The following SMURF1 variants were observed in gnomAD, a reference collection of about 807,000 sequenced individuals.
SMURF1 encodes the protein E3 ubiquitin-protein ligase SMURF1.
In SMURF1, 44 loss-of-function variants were observed where a neutral mutation model predicts 98.0. The observed-to-expected ratio is 0.45, with a 90% CI of 0.35 to 0.58. The LOEUF (loss-of-function observed/expected upper bound fraction) is 0.58. SMURF1 is among the 20% of genes least tolerant of loss of function. The pLI is 0.00. For synonymous variants in SMURF1, 396 were observed against 374.9 expected (o/e 1.06, Z -0.65); for missense variants, 687 against 938.4 (o/e 0.73, Z 3.50).
intron 1 of SMURF1, among the ~76,000 whole-genome samples, chr7:99,116,743 T>C (rs1178390308): frequency 2.0e-5 from 3 of 152,182 alleles, no homozygotes; most frequent in African/African-American, 7.2e-5. Context: ...CTTAATAATA[T>C]GAAGACATAA....
chr7:99,137,912 T>C (rs1798029682), intron 1 of SMURF1, among the ~76,000 whole-genome samples: 1 of 152,184 alleles, frequency 6.6e-6, no homozygotes, highest in Non-Finnish European at 1.5e-5. Context: ...AAAAAGAAGA[T>C]ATGCCCAAGC....
At chr7:99,071,805 G>A (rs530726858) in intron 1 of SMURF1, among the ~76,000 whole-genome samples, 12 of 152,236 alleles carry the variant, frequency 7.9e-5, no homozygotes, top group African/African-American at 2.2e-4. Context: ...CAGACTCAGC[G>A]GCTCATGCCT....
At chr7:99,091,301 C>CA (rs1326212380) in intron 1 of SMURF1, among the ~76,000 whole-genome samples, 1 of 152,202 alleles carries the variant, frequency 6.6e-6, no homozygotes, top group East Asian at 1.9e-4. Context: ...TCATGCAATG[C>CA]ATACCCATGA....
chr7:99,060,987 T>G (rs1796022482), intron 2 of SMURF1, among the ~76,000 whole-genome samples: 1 of 152,162 alleles, frequency 6.6e-6, no homozygotes, highest in Non-Finnish European at 1.5e-5. Flanking sequence ...GTATTTAGAC[T>G]TTCTAAAAAT....
At chr7:99,059,408 AAAATAAAATAAAAT>A (rs1398774897) in intron 3 of SMURF1, among the ~76,000 whole-genome samples, 2,288 of 92,160 alleles carry the variant, frequency 0.025, 152 homozygotes, top group African/African-American at 0.058. Flanking sequence ...AAAAAAAAAT[AAAATAAAATAAAAT>A]AAAATAAAAT....
chr7:99,095,036 T>C (rs1796917181), intron 1 of SMURF1, among the ~76,000 whole-genome samples: 1 of 151,890 alleles, frequency 6.6e-6, no homozygotes, highest in Non-Finnish European at 1.5e-5. Context: ...AATTCAAGCA[T>C]TGCCAGGTTT....
chr7:99,117,129 G>A (rs1029156239), intron 1 of SMURF1, among the ~76,000 whole-genome samples: 4 of 151,560 alleles, frequency 2.6e-5, no homozygotes, highest in African/African-American at 7.3e-5. Context: ...TTCAACAAAT[G>A]GTGCAGGAAC....
At chr7:99,120,128 C>T (rs1046604402) in intron 1 of SMURF1, among the ~76,000 whole-genome samples, 3 of 152,152 alleles carry the variant, frequency 2.0e-5, no homozygotes, top group African/African-American at 7.2e-5. Context: ...CACCTCACCC[C>T]TTCCCTCACC....
At chr7:99,120,112 G>A (rs1418468174) in intron 1 of SMURF1, among the ~76,000 whole-genome samples, 2 of 152,102 alleles carry the variant, frequency 1.3e-5, no homozygotes, top group African/African-American at 4.8e-5. Flanking sequence ...TGTTTAAGGA[G>A]CCTGGCACCT....
Position 99,144,094 on chromosome 7 carries a change from C to CGCT in SMURF1, c.-317_-315dup, listed in dbSNP as rs1171251293. 1.3e-5 allele frequency: 2 copies of CGCT among 149,966 alleles called. No homozygotes were observed. Among genetic ancestry groups the CGCT allele is most frequent in the African/African-American group, 4.9e-5 (2 of 40,928 alleles). 9.3% of individuals were successfully genotyped at this position (149,966 alleles called of 1,614,324 possible). A position where few individuals can be genotyped will look rare whatever the true frequency, so the allele number is the denominator to read the frequency against. On this transcript the variant is annotated 5_prime_UTR_variant, in exon 1 of 18. Coordinates refer to ENST00000361368, the MANE Select transcript of SMURF1 (RefSeq NM_181349.3). The stretch of plus-strand genomic sequence containing the variant: ...CGCCCGCCGCCCTCGCCGCTTCCGC[C>CGCT]GCTGCCGCCGCCTCTCCGAGCCGCG...
chr7:99,031,192 G>C (rs766879603), intron 17 of SMURF1, among the ~76,000 whole-genome samples: 2 of 152,162 alleles, frequency 1.3e-5, no homozygotes, highest in Admixed American at 1.3e-4. Context: ...ACGATGTACT[G>C]CGTGTCTGTC....
chr7:99,074,710 TAAA>T (rs201973449), intron 1 of SMURF1, among the ~76,000 whole-genome samples: 3 of 148,114 alleles, frequency 2.0e-5, no homozygotes, highest in African/African-American at 7.4e-5. Context: ...CAACTCAATT[TAAA>T]AAAAAAACCC....
intron 1 of SMURF1, among the ~76,000 whole-genome samples, chr7:99,094,952 C>T (rs1796913467): frequency 6.6e-6 from 1 of 152,222 alleles, no homozygotes. Context: ...CATCAATGGC[C>T]ACTATCACAG....
At chr7:99,057,305 A>C (rs777642715) in intron 4 of SMURF1, 35 bp from the exon 5 acceptor site, 1 of 1,614,138 alleles carries the variant, frequency 6.2e-7, no homozygotes, top group Non-Finnish European at 8.5e-7. Flanking sequence ...AACCCAAGGA[A>C]CGTGAACTAG....
chr7:99,119,321 A>G (rs1189439177), intron 1 of SMURF1, among the ~76,000 whole-genome samples: 1 of 152,136 alleles, frequency 6.6e-6, no homozygotes, highest in Admixed American at 6.5e-5. Context: ...GCCATCTTGT[A>G]CAGTTTAAAT....
At position 99,038,381 on chromosome 7, in the gene SMURF1, G is replaced by C. The variant is rs778208150; in HGVS notation, c.1688+7C>G. On this transcript the variant is annotated splice_region_variant and intron_variant, in intron 14 of 17. Transcript: ENST00000361368. ...GGCACCTGGCCGTCCCCGACAGGTG[G>C]CATTACCGGACGTATTCTTTCTTAT... 38 of 1,613,390 alleles carry C rather than the reference G, an allele frequency of 2.4e-5. No individual in the cohort carries two copies. The Admixed American group carries it at 6.3e-4, about 27-fold the overall frequency.
Position 99,030,547 on chromosome 7 carries a change from T to C in SMURF1, c.*37A>G, listed in dbSNP as rs751672272. 1.8e-5 allele frequency: 29 copies of C among 1,575,472 alleles called. No homozygotes were observed. The highest frequency in any genetic ancestry group is 1.7e-4 in the Admixed American group (10 of 59,746). ...CAGAAGCTGGATGCTTTTGGTCTGG[T>C]GGCCATGAGCTAGACTCTGTTGCCT... On this transcript the variant is annotated 3_prime_UTR_variant, in exon 18 of 18. Coordinates refer to ENST00000361368, the MANE Select transcript of SMURF1 (RefSeq NM_181349.3).
chr7:99,052,781 C>T (rs1422967471), intron 6 of SMURF1, among the ~76,000 whole-genome samples: 2 of 152,168 alleles, frequency 1.3e-5, no homozygotes, highest in African/African-American at 4.8e-5. Context: ...AAAATCAAAT[C>T]CAGGCCAGAT....
At position 99,047,736 on chromosome 7, in the gene SMURF1, T is replaced by A. The variant is rs756514093; in HGVS notation, c.1100A>T (p.Gln367Leu). The A allele has an allele frequency of 6.2e-7, 1 of 1,614,248 alleles. No individual in the cohort carries two copies. The highest frequency in any genetic ancestry group is 1.1e-5 in the South Asian group (1 of 91,086). The change falls in exon 10 of 18, where the codon CAG becomes CTG. Residue 367 changes from glutamine to leucine, a missense_variant. Physicochemically the swap from Gln to Leu is moderately radical, Grantham distance 113. Coordinates refer to ENST00000361368, the MANE Select transcript of SMURF1 (RefSeq NM_181349.3). ...KVLRHELSLQ[Q>L]PQAGHCRIEV... is the part of the protein sequence containing the mutation. ...GATGCGGCAATGACCAGCTTGGGGC[T>A]GCTGAAGCGACAGTTCGTGTCTGAG...
Sources: allele counts gnomAD v4.1 joint callset (sites outside exome capture counted in the v4.1 genomes callset), GRCh38; gene constraint gnomAD v4.1.1; transcripts MANE v1.5; gene names NCBI Gene and HGNC (gene_info 2026-07-23, HGNC 2026-07-21).